The following DENND4C variants were observed in gnomAD, a reference collection of about 807,000 sequenced individuals.
The protein encoded by DENND4C is DENN domain containing 4C.
DENND4C carries 108 observed loss-of-function variants against 203.0 expected under a neutral mutation model. The ratio of observed to expected loss-of-function variants is 0.53; its 90% CI spans 0.46 to 0.62. The LOEUF is 0.62. DENND4C is among the 20% of genes least tolerant of loss of function. DENND4C has a pLI of 0.00. For synonymous variants in DENND4C, 871 were observed against 792.4 expected (o/e 1.10, Z -1.67); for missense variants, 2,481 against 2,301.2 (o/e 1.08, Z -1.60).
intron 1 of DENND4C, among the ~76,000 whole-genome samples, chr9:19,275,212 A>AAGT (rs1462533917): frequency 2.0e-5 from 3 of 151,274 alleles, no homozygotes; most frequent in African/African-American, 7.3e-5. Flanking sequence ...TCCTGACCTC[A>AAGT]AGTGATCCAC....
chr9:19,369,716 A>G lies in DENND4C; in HGVS notation c.5525-121A>G, dbSNP rs1270649940. ...TGGGAGACGAAGGTTGCAGTGAGCCATGATCACATCACTGCACTCCAGCCT... is the reference window on the plus strand; with the variant it reads ...TGGGAGACGAAGGTTGCAGTGAGCCGTGATCACATCACTGCACTCCAGCCT... On this transcript the variant is annotated intron_variant, in intron 30 of 32. Transcript: ENST00000434457. 7 of 534,698 alleles carry G rather than the reference A, an allele frequency of 1.3e-5. No homozygotes were observed. In the East Asian group the frequency reaches 2.9e-4, roughly 22 times the overall value. The allele number at this position is 534,698 out of a possible 1,614,324, so 33.1% of individuals were successfully genotyped here. A position where few individuals can be genotyped will look rare whatever the true frequency, so the allele number is the denominator to read the frequency against.
At chr9:19,305,864 A>T (rs962758387) in intron 10 of DENND4C, among the ~76,000 whole-genome samples, 1 of 152,260 alleles carries the variant, frequency 6.6e-6, no homozygotes, top group Admixed American at 6.5e-5. Context: ...GGTTTAATTC[A>T]AAATCCATAT....
chr9:19,230,640 C>G (rs1041812492), upstream of DENND4C: 1 of 152,154 alleles, frequency 6.6e-6, no homozygotes, highest in Non-Finnish European at 1.5e-5. Context: ...GCCATCGCCC[C>G]TGGCTGTAGG....
At chr9:19,257,965 T>C (rs1193657335) in intron 1 of DENND4C, among the ~76,000 whole-genome samples, 2 of 151,750 alleles carry the variant, frequency 1.3e-5, no homozygotes, top group Non-Finnish European at 2.9e-5. Flanking sequence ...TCCAGAAAAA[T>C]AAATTAACTG....
At chr9:19,241,520 T>C (rs754008691) in intron 1 of DENND4C, among the ~76,000 whole-genome samples, 3 of 151,898 alleles carry the variant, frequency 2.0e-5, no homozygotes, top group Non-Finnish European at 4.4e-5. Flanking sequence ...TTTTCTTTTT[T>C]TTTTTACTTT....
chr9:19,312,111 T>G (rs1840850366), intron 10 of DENND4C, among the ~76,000 whole-genome samples: 2 of 152,158 alleles, frequency 1.3e-5, no homozygotes, highest in Admixed American at 1.3e-4. Flanking sequence ...TGTTTTTGTT[T>G]GTTTGTTTTT....
In DENND4C at chr9:19,358,631, G is replaced by T. The variant is rs1189871904; in HGVS notation, c.5160+471G>T. On this transcript the variant is annotated intron_variant, in intron 28 of 32. Coordinates refer to ENST00000434457, the MANE Select transcript of DENND4C (RefSeq NM_001330640.2). The surrounding 1 kb of genome is among the most constrained non-coding windows in gnomAD (Gnocchi z 4.8). ...ATGTCAAATGCATATGTGTGCTTGT[G>T]TATGTGTGGGTTGTAGTTTGAGGAA... Among the ~76,000 whole-genome samples, 1 of 151,836 alleles carries T rather than the reference G, an allele frequency of 6.6e-6. No individual in the cohort carries two copies. The highest frequency in any genetic ancestry group is 1.9e-4 in the East Asian group (1 of 5,202).
chr9:19,277,519 C>T (rs1833118242), intron 2 of DENND4C, among the ~76,000 whole-genome samples: 1 of 152,126 alleles, frequency 6.6e-6, no homozygotes, highest in Non-Finnish European at 1.5e-5. Context: ...ATCTTGCACT[C>T]TGCAACTTTG....
rs1433465208 is a variant in DENND4C, at chr9:19,350,856, T to C, written c.4472T>C (p.Val1491Ala). 6.2e-7 allele frequency: 1 copy of C among 1,613,686 alleles called. No individual in the cohort carries two copies. Among genetic ancestry groups the C allele is most frequent in the African/African-American group, 1.3e-5 (1 of 74,912 alleles). ...SLGSSSSSGD[V>A]GKLHYPTGEV... ...GGCAGTAGCAGCAGTAGTGGAGATG[T>C]AGGAAAACTGCATTATCCAACAGGT... Residue 1491 changes from valine to alanine, a missense_variant, in exon 24 of 33, where the codon GTA (valine) becomes GCA (alanine). Physicochemically the swap from Val to Ala is moderately conservative, Grantham distance 64. Around this residue, in one of 3 missense-constraint regions of DENND4C, gnomAD observed 2,289 missense variants for 2,113.3 expected, o/e 1.08. Transcript: ENST00000434457.
rs1823047037 is a variant in DENND4C at position 19,346,957 on chromosome 9, G to C, written c.4188G>C (p.Gly1396=). ...SLGSVVNSLS[G]LKLDNILSGP... is the part of the protein sequence containing the mutation. Reference sequence around the variant, plus strand: ...GTTCTGTAGTAAATTCTTTGTCAGGGCTAAAGCTGGATAATATACTCTCAG... The same window carrying C: ...GTTCTGTAGTAAATTCTTTGTCAGGCCTAAAGCTGGATAATATACTCTCAG... The change falls in exon 23 of 33, where the codon GGG becomes GGC. Residue 1396 remains glycine, a synonymous_variant. Coordinates refer to ENST00000434457, the MANE Select transcript of DENND4C (RefSeq NM_001330640.2). 12 of 1,614,150 alleles carry C rather than the reference G, an allele frequency of 7.4e-6. No homozygotes were observed. Among genetic ancestry groups the C allele is most frequent in the Non-Finnish European group, 1.0e-5 (12 of 1,180,036 alleles).
intron 12 of DENND4C, among the ~76,000 whole-genome samples, chr9:19,319,003 T>C (rs1842308722): frequency 1.3e-5 from 2 of 151,856 alleles, no homozygotes; most frequent in Admixed American, 6.6e-5. Flanking sequence ...ACCCTGTCTC[T>C]ACTAAAAATA....
chr9:19,318,897 A>G (rs1425232892), intron 12 of DENND4C, among the ~76,000 whole-genome samples: 1 of 152,164 alleles, frequency 6.6e-6, no homozygotes, highest in Non-Finnish European at 1.5e-5. Context: ...GGCCAGGTGC[A>G]GTGGCTTATG....
chr9:19,365,303 G>A (rs1369975193), intron 30 of DENND4C, among the ~76,000 whole-genome samples: 2 of 152,088 alleles, frequency 1.3e-5, no homozygotes, highest in African/African-American at 2.4e-5. Context: ...CAAAATTCAC[G>A]TGATCATCTC....
intron 1 of DENND4C, among the ~76,000 whole-genome samples, chr9:19,232,388 A>G (rs1820805707): frequency 1.3e-5 from 2 of 152,074 alleles, no homozygotes; most frequent in Non-Finnish European, 2.9e-5. Context: ...CTTTTGTATA[A>G]CCTGTTGTAG....
intron 13 of DENND4C, among the ~76,000 whole-genome samples, chr9:19,325,197 C>T (rs1290817297): frequency 6.6e-6 from 1 of 151,790 alleles, no homozygotes. Flanking sequence ...GTTCTATGTT[C>T]TTTTGTTTTA....
At chr9:19,261,064 CCTT>C (rs1564096007) in intron 1 of DENND4C, among the ~76,000 whole-genome samples, 3 of 151,982 alleles carry the variant, frequency 2.0e-5, no homozygotes, top group South Asian at 2.1e-4. Context: ...GATCTAGTTT[CCTT>C]CTTCTGCATA....
intron 18 of DENND4C, 87 bp downstream of exon 18, chr9:19,335,192 AAAGG>A: frequency 2.1e-6 from 2 of 961,810 alleles, no homozygotes; most frequent in Non-Finnish European, 1.4e-6. Context: ...AACTCCTATT[AAAGG>A]AAGTTTTGGG....
At chr9:19,298,238 C>A in intron 7 of DENND4C, 116 bp downstream of exon 7, 3 of 839,108 alleles carry the variant, frequency 3.6e-6, no homozygotes, top group East Asian at 2.7e-5. Context: ...TCATAAAGTC[C>A]TTGGATTTTC....
chr9:19,314,260 C>T (rs1171927409), intron 10 of DENND4C, among the ~76,000 whole-genome samples: 1 of 151,972 alleles, frequency 6.6e-6, no homozygotes, highest in Admixed American at 6.6e-5. Flanking sequence ...CGAGACCATC[C>T]TGGCTAACAC....
Sources: allele counts gnomAD v4.1 joint callset (sites outside exome capture counted in the v4.1 genomes callset), GRCh38; gene constraint gnomAD v4.1.1; regional missense constraint gnomAD v4.1.1; non-coding constraint Gnocchi (gnomAD v3.1); transcripts MANE v1.5; gene names NCBI Gene and HGNC (gene_info 2026-07-23, HGNC 2026-07-21).